PSMD1: variants seen among roughly 807,000 people sequenced by gnomAD.
PSMD1 encodes the protein 26S proteasome non-ATPase regulatory subunit 1.
In PSMD1, 18 loss-of-function variants were observed where a neutral mutation model predicts 119.0. The observed-to-expected ratio is 0.15, with a 90% CI of 0.10 to 0.22. PSMD1 has a LOEUF of 0.22. Ranked by LOEUF, PSMD1 falls within the 10% of genes least tolerant of loss-of-function variation. The pLI, the probability that PSMD1 is intolerant of heterozygous loss-of-function variation, is 1.00. For synonymous variants in PSMD1, 374 were observed against 396.6 expected (o/e 0.94, Z 0.68); for missense variants, 702 against 1,158.5 (o/e 0.61, Z 5.72).
At chr2:231,094,175 G>A (rs968460050) in intron 16 of PSMD1, among the ~76,000 whole-genome samples, 8 of 152,092 alleles carry the variant, frequency 5.3e-5, no homozygotes, top group African/African-American at 1.9e-4. Context: ...CGTGTTGAAG[G>A]AGGGGAGGTG....
intron 12 of PSMD1, among the ~76,000 whole-genome samples, chr2:231,080,770 A>AGT (rs1171892151): frequency 2.0e-5 from 3 of 152,194 alleles, no homozygotes; most frequent in African/African-American, 7.2e-5. Flanking sequence ...ATTTTACACT[A>AGT]ACTTCTATAT....
At chr2:231,071,694 T>G (rs1047750340) in intron 6 of PSMD1, among the ~76,000 whole-genome samples, 1 of 152,214 alleles carries the variant, frequency 6.6e-6, no homozygotes, top group African/African-American at 2.4e-5. Context: ...AGAAAAATTC[T>G]AACTTTGTTG....
At chr2:231,127,861 A>G (rs970667592) in intron 16 of PSMD1, among the ~76,000 whole-genome samples, 9 of 152,204 alleles carry the variant, frequency 5.9e-5, no homozygotes, top group African/African-American at 1.9e-4. Context: ...TTTGTGTAGA[A>G]TATTTCCTTT....
intron 23 of PSMD1, among the ~76,000 whole-genome samples, chr2:231,167,229 G>A (rs1253465928): frequency 6.6e-6 from 1 of 151,904 alleles, no homozygotes; most frequent in Non-Finnish European, 1.5e-5. Context: ...CATCTCGGTG[G>A]CGGTTTTACA....
intron 16 of PSMD1, among the ~76,000 whole-genome samples, chr2:231,106,791 G>A: frequency 6.6e-6 from 1 of 152,076 alleles, no homozygotes; most frequent in East Asian, 1.9e-4. Flanking sequence ...TGTTATCTAT[G>A]GGTAGAGTTT....
intron 16 of PSMD1, among the ~76,000 whole-genome samples, chr2:231,134,798 T>A (rs1339219447): frequency 1.3e-5 from 2 of 152,200 alleles, no homozygotes; most frequent in African/African-American, 4.8e-5. Context: ...TTTCCCTGGT[T>A]TTGATTATCT....
Position 231,085,006 on chromosome 2 carries a change from T to G in PSMD1, c.1723-13T>G. ...AAATAAGTTGATGATTAATGTTAAA[T>G]TATTTTTCTTAGGACCCAATTCTTC... On this transcript the variant is annotated splice_polypyrimidine_tract_variant and intron_variant, in intron 14 of 24. Coordinates refer to ENST00000308696, the MANE Select transcript of PSMD1 (RefSeq NM_002807.4). 6.3e-7 allele frequency: 1 copy of G among 1,598,002 alleles called. No homozygotes were observed. The highest frequency in any genetic ancestry group is 8.6e-7 in the Non-Finnish European group (1 of 1,165,442).
chr2:231,163,862 AT>A (rs1696695578), intron 21 of PSMD1, 135 bp downstream of exon 21: 1 of 678,978 alleles, frequency 1.5e-6, no homozygotes, highest in South Asian at 2.2e-5. Flanking sequence ...ACACAAGAAT[AT>A]GAAGTGAAAG....
intron 16 of PSMD1, among the ~76,000 whole-genome samples, chr2:231,099,302 G>A (rs893857388): frequency 6.6e-6 from 1 of 152,160 alleles, no homozygotes; most frequent in Admixed American, 6.5e-5. Flanking sequence ...CCAATAAAGG[G>A]CATAGCCTAG....
chr2:231,096,067 C>G (rs1283308892), intron 16 of PSMD1, among the ~76,000 whole-genome samples: 1 of 152,112 alleles, frequency 6.6e-6, no homozygotes, highest in Admixed American at 6.5e-5. Flanking sequence ...TGCAGAGTGA[C>G]CTCAAACCTC....
chr2:231,158,453 T>C (rs1696560848), intron 19 of PSMD1, among the ~76,000 whole-genome samples: 2 of 152,342 alleles, frequency 1.3e-5, no homozygotes, highest in Admixed American at 6.5e-5. Flanking sequence ...AAGAAGTTGA[T>C]TGAAGTTTGT....
At chr2:231,148,434 G>A (rs1002554677) in intron 18 of PSMD1, among the ~76,000 whole-genome samples, 4 of 152,180 alleles carry the variant, frequency 2.6e-5, no homozygotes, top group Non-Finnish European at 5.9e-5. Context: ...AAATGGCAGA[G>A]TCCTTTAGGA....
intron 18 of PSMD1, among the ~76,000 whole-genome samples, chr2:231,151,803 ATTTTTTT>A (rs57347945): frequency 2.1e-5 from 2 of 95,638 alleles, no homozygotes; most frequent in East Asian, 3.4e-4. Flanking sequence ...AAACATGAGA[ATTTTTTT>A]TTTTTTTTTT....
chr2:231,170,655 C>T lies in PSMD1; in HGVS notation c.2805C>T (p.Ile935=). The T allele has an allele frequency of 6.2e-7, 1 of 1,613,920 alleles. No individual in the cohort carries two copies. The highest frequency in any genetic ancestry group is 8.5e-7 in the Non-Finnish European group (1 of 1,179,932). Residue 935 remains isoleucine, a synonymous_variant, in exon 24 of 25, where the codon ATC becomes ATT. Transcript: ENST00000308696. This position sits in a 1 kb window ranked among gnomAD's most constrained non-coding sequence, Gnocchi z 4.1. ...VEPVAAHGPK[I]EEEEQEPEPP... is the part of the protein sequence containing the mutation. ...CTGTGGCAGCACATGGCCCAAAAAT[C>T]GAGGAGGAGGAACAAGAGCCAGAAC...
intron 16 of PSMD1, chr2:231,125,008 T>G (rs753545834): frequency 1.2e-4 from 18 of 152,262 alleles, no homozygotes; most frequent in Admixed American, 6.5e-5. Flanking sequence ...GCATGTCATC[T>G]TATCTGTTCA....
intron 16 of PSMD1, among the ~76,000 whole-genome samples, chr2:231,126,131 G>A (rs747420262): frequency 5.3e-5 from 8 of 152,080 alleles, no homozygotes; most frequent in Non-Finnish European, 1.0e-4. Context: ...GGCAAGGTGC[G>A]GTGGCTCATT....
At chr2:231,072,438 C>G in intron 7 of PSMD1, 23 bp downstream of exon 7, 1 of 1,524,982 alleles carries the variant, frequency 6.6e-7, no homozygotes, top group Non-Finnish European at 9.1e-7. Context: ...TTTTCTGCAT[C>G]AAAACTAATT....
chr2:231,151,032 A>C (rs1362804113), intron 18 of PSMD1, among the ~76,000 whole-genome samples: 1 of 152,242 alleles, frequency 6.6e-6, no homozygotes, highest in Non-Finnish European at 1.5e-5. Flanking sequence ...CTTTTTGAGA[A>C]GGTAGATTTT....
chr2:231,057,113 C>T (rs904815435), intron 1 of PSMD1, 72 bp downstream of exon 1: 53 of 1,421,688 alleles, frequency 3.7e-5, no homozygotes, highest in Non-Finnish European at 4.8e-5. Flanking sequence ...GAGTCAGGGC[C>T]GGTGACTGGG....
Sources: allele counts gnomAD v4.1 joint callset (sites outside exome capture counted in the v4.1 genomes callset), GRCh38; gene constraint gnomAD v4.1.1; non-coding constraint Gnocchi (gnomAD v3.1); transcripts MANE v1.5; gene names NCBI Gene and HGNC (gene_info 2026-07-23, HGNC 2026-07-21).